The following LZTS2 variants were observed in gnomAD, a reference collection of about 807,000 sequenced individuals.
LZTS2 encodes leucine zipper putative tumor suppressor 2.
A neutral mutation model predicts 60.6 loss-of-function variants in LZTS2; 32 were observed. The ratio of observed to expected loss-of-function variants is 0.53; its 90% CI spans 0.40 to 0.71. The LOEUF is 0.71. Ranked by LOEUF, LZTS2 falls within the 30% of genes least tolerant of loss-of-function variation. The probability of loss-of-function intolerance (pLI) is 0.00; values close to 1 mark genes in which losing one functional copy is unlikely to be tolerated. For synonymous variants in LZTS2, 360 were observed against 393.1 expected (o/e 0.92, Z 1.00); for missense variants, 792 against 901.9 (o/e 0.88, Z 1.56).
chr10:101,007,393 A>G, exon 4 of LZTS2: 1 of 1,425,376 alleles, frequency 7.0e-7, no homozygotes, highest in Non-Finnish European at 9.2e-7. Flanking sequence ...TGTTACCCAG[A>G]GGCTCTTGTT....
chr10:101,003,782 G>A lies in LZTS2; in HGVS notation c.684G>A (p.Leu228=), dbSNP rs1228342373. 1.9e-6 allele frequency: 3 copies of A among 1,613,168 alleles called. No individual in the cohort carries two copies. The South Asian group carries it at 3.3e-5, about 18-fold the overall frequency. The stretch of plus-strand genomic sequence containing the variant: ...CTGGCCGAAACTCACTGTCCAGCCT[G>A]CCCACCTACAGCACCGGAGGTGCCG... Residue 228 remains leucine, a synonymous_variant, in exon 2 of 4, where the codon CTG becomes CTA. Coordinates refer to ENST00000370220, the Ensembl canonical transcript of LZTS2.
chr10:101,001,119 CAG>C (rs1416825273), exon 1 of LZTS2: 2 of 152,344 alleles, frequency 1.3e-5, no homozygotes, highest in African/African-American at 4.8e-5. Context: ...CCCACGTTCA[CAG>C]GCTCCACTGC....
chr10:100,998,050 T>C (rs540803443), upstream of LZTS2, among the ~76,000 whole-genome samples: 3 of 152,260 alleles, frequency 2.0e-5, no homozygotes, highest in East Asian at 5.8e-4. Flanking sequence ...CCTGAGCGCC[T>C]GCGGGTCCCC....
chr10:101,007,569 G>C (rs111816657), exon 4 of LZTS2: 3 of 1,303,380 alleles, frequency 2.3e-6, no homozygotes, highest in South Asian at 1.2e-5. Flanking sequence ...CAGCTGCTCC[G>C]GATGTGCCTG....
At chr10:100,999,067 C>T (rs1851970928), upstream of LZTS2, 1 of 152,240 alleles carries the variant, frequency 6.6e-6, no homozygotes, top group Non-Finnish European at 1.5e-5. Context: ...ACCGGTTCGC[C>T]CCAGTGATTG....
chr10:101,003,689 A>G (rs1313265288), exon 2 of LZTS2: 3 of 1,612,546 alleles, frequency 1.9e-6, no homozygotes, highest in Non-Finnish European at 1.7e-6. Flanking sequence ...CCTCCTCTTC[A>G]GCTGCTGACA....
chr10:101,005,726 C>G lies in LZTS2; in HGVS notation c.1326+11C>G. 6.5e-7 allele frequency: 1 copy of G among 1,549,072 alleles called. No homozygotes were observed. Among genetic ancestry groups the G allele is most frequent in the Non-Finnish European group, 8.8e-7 (1 of 1,142,506 alleles). Reference sequence around the variant, plus strand: ...GAGACCAAGTGGGAGGTGGGCCAGACCAGGAGGGGCAGGGAGCAGGGTCAC... The same window carrying G: ...GAGACCAAGTGGGAGGTGGGCCAGAGCAGGAGGGGCAGGGAGCAGGGTCAC... On this transcript the variant is annotated intron_variant, in intron 3 of 3. Transcript: ENST00000370220.
exon 4 of LZTS2, chr10:101,006,577 TCTGCGGGTGGCG>T (rs1321133161): frequency 1.2e-6 from 2 of 1,610,736 alleles, no homozygotes; most frequent in Non-Finnish European, 8.5e-7. Context: ...AGCTGGTGGC[TCTGCGGGTGGCG>T]CTGCGGGAGG....
intron 1 of LZTS2, chr10:101,003,267 C>G: frequency 1.9e-6 from 1 of 527,710 alleles, no homozygotes. Context: ...AGGCCTTTAA[C>G]CTTGCTGAGC....
At chr10:101,005,559 G>A (rs1255984393) in exon 3 of LZTS2, 7 of 1,609,750 alleles carry the variant, frequency 4.3e-6, no homozygotes, top group Non-Finnish European at 5.9e-6. Context: ...AACAGCTGCT[G>A]CAGCTGCAGG....
chr10:100,997,247 G>C (rs1851935063), upstream of LZTS2: 1 of 152,310 alleles, frequency 6.6e-6, no homozygotes, highest in Non-Finnish European at 1.5e-5. Context: ...GAGTGGTGGG[G>C]CGGCGGAGGT....
At chr10:101,007,520 T>C in exon 4 of LZTS2, 1 of 1,332,540 alleles carries the variant, frequency 7.5e-7, no homozygotes, top group Non-Finnish European at 9.8e-7. Flanking sequence ...CCTCTTCACA[T>C]TCCCCCCGAC....
At chr10:101,004,300 A>G (rs1468749320) in intron 2 of LZTS2, 134 bp downstream of exon 3, 2 of 978,616 alleles carry the variant, frequency 2.0e-6, no homozygotes, top group African/African-American at 3.3e-5. Flanking sequence ...CCTCCCCACC[A>G]GTTGTCTGGT....
At chr10:101,006,954 A>T in exon 4 of LZTS2, 1 of 1,544,292 alleles carries the variant, frequency 6.5e-7, no homozygotes, top group Non-Finnish European at 8.8e-7. Context: ...TTTGAGGGGG[A>T]GCGGCTGGCC....
chr10:101,001,191 A>T (rs1256068158), exon 1 of LZTS2: 1 of 152,284 alleles, frequency 6.6e-6, no homozygotes, highest in African/African-American at 2.4e-5. Flanking sequence ...TCATGAACTT[A>T]CTGACAAGTC....
chr10:101,006,517 G>T (rs983399815), exon 4 of LZTS2: 3 of 1,611,068 alleles, frequency 1.9e-6, no homozygotes, highest in Admixed American at 3.3e-5. Flanking sequence ...TCTCCCTGCT[G>T]AAGCAGCAGC....
At chr10:101,003,943 C>T (rs1852106746) in exon 2 of LZTS2, 2 of 1,611,590 alleles carry the variant, frequency 1.2e-6, no homozygotes, top group African/African-American at 2.7e-5. Context: ...AGCAAGAGCA[C>T]AGGCTCCCTA....
At chr10:101,004,212 C>T in intron 2 of LZTS2, 46 bp downstream of exon 3, 1 of 1,548,882 alleles carries the variant, frequency 6.5e-7, no homozygotes, top group Admixed American at 1.9e-5. Flanking sequence ...CAGGACATCC[C>T]AAGGCCCTGG....
intron 2 of LZTS2, 90 bp from the exon 4 acceptor site, chr10:101,005,366 TCC>T (rs1852149239): frequency 7.1e-7 from 1 of 1,410,004 alleles, no homozygotes; most frequent in African/African-American, 1.4e-5. Context: ...AATCCACCCT[TCC>T]TGAGCCCTCG....
Sources: allele counts gnomAD v4.1 joint callset (sites outside exome capture counted in the v4.1 genomes callset), GRCh38; gene constraint gnomAD v4.1.1; transcripts MANE v1.5; gene names NCBI Gene and HGNC (gene_info 2026-07-23, HGNC 2026-07-21).